The following ARHGAP19 variants were observed in gnomAD, a reference collection of about 807,000 sequenced individuals.
ARHGAP19 encodes rho GTPase-activating protein 19.
A neutral mutation model predicts 60.9 loss-of-function variants in ARHGAP19; 48 were observed. The ratio of observed to expected loss-of-function variants is 0.79; its 90% CI spans 0.62 to 1.00. ARHGAP19 has a LOEUF of 1.00. Ranked by LOEUF, ARHGAP19 falls within the 50% of genes least tolerant of loss-of-function variation. The pLI is 0.00. For missense variants in ARHGAP19, 562 were observed against 597.2 expected, an observed-to-expected ratio of 0.94 and a Z score of 0.61; for synonymous variants, 209 against 215.5, an observed-to-expected ratio of 0.97 and a Z score of 0.27.
At chr10:97,286,747 G>C (rs1843161245) in intron 1 of ARHGAP19, among the ~76,000 whole-genome samples, 1 of 152,104 alleles carries the variant, frequency 6.6e-6, no homozygotes, top group African/African-American at 2.4e-5. Context: ...TCCTAAGCTG[G>C]CTCTTCATGT....
At chr10:97,240,700 A>G (rs1842465864) in intron 8 of ARHGAP19, among the ~76,000 whole-genome samples, 1 of 152,248 alleles carries the variant, frequency 6.6e-6, no homozygotes, top group Admixed American at 6.5e-5. Flanking sequence ...CCTTTTAATA[A>G]CATGAGAAAT....
At chr10:97,280,193 G>C (rs1843065646) in intron 1 of ARHGAP19, among the ~76,000 whole-genome samples, 1 of 152,040 alleles carries the variant, frequency 6.6e-6, no homozygotes. Context: ...GATCATTTGA[G>C]GTCAGGAGTT....
At chr10:97,252,224 TC>T (rs1276847919) in intron 6 of ARHGAP19, among the ~76,000 whole-genome samples, 9 of 151,786 alleles carry the variant, frequency 5.9e-5, no homozygotes, top group Admixed American at 2.0e-4. Context: ...GCGCCTGTGG[TC>T]CCAGCTAACC....
chr10:97,268,515 T>G (rs1842925836), intron 1 of ARHGAP19, among the ~76,000 whole-genome samples: 1 of 152,174 alleles, frequency 6.6e-6, no homozygotes, highest in South Asian at 2.1e-4. Flanking sequence ...GACTCGGTAA[T>G]TTACAAAGGA....
chr10:97,239,648 A>C (rs999491991), intron 8 of ARHGAP19, among the ~76,000 whole-genome samples: 11 of 151,384 alleles, frequency 7.3e-5, no homozygotes, highest in African/African-American at 2.2e-4. Flanking sequence ...GAGCAAAAAA[A>C]AAGATATTAG....
At chr10:97,280,449 C>A (rs944783477) in intron 1 of ARHGAP19, among the ~76,000 whole-genome samples, 2 of 151,960 alleles carry the variant, frequency 1.3e-5, no homozygotes, top group Non-Finnish European at 2.9e-5. Flanking sequence ...AAGGTAACAT[C>A]AAAATTCCCT....
In ARHGAP19 at chr10:97,280,373, C is replaced by T. The variant is rs1440653807; in HGVS notation, c.56+12199G>A. 1.2e-4 allele frequency among the ~76,000 whole-genome samples: 19 copies of T among 152,006 alleles called. 1 individual carries two copies. The highest frequency in any genetic ancestry group is 1.2e-3 in the Admixed American group (19 of 15,242). On this transcript the variant is annotated intron_variant, in intron 1 of 11. Coordinates refer to ENST00000358531, the MANE Select transcript of ARHGAP19 (RefSeq NM_032900.6). ...GCAGTGAGCCGAGATCACACCACTGCACTCCAGCCAAGGTGACAGACCAAG... is the reference window on the plus strand; with the variant it reads ...GCAGTGAGCCGAGATCACACCACTGTACTCCAGCCAAGGTGACAGACCAAG...
At chr10:97,260,200 G>A (rs1842811299) in intron 4 of ARHGAP19, among the ~76,000 whole-genome samples, 1 of 151,650 alleles carries the variant, frequency 6.6e-6, no homozygotes, top group Non-Finnish European at 1.5e-5. Context: ...AAGTGGCCAA[G>A]AAGGCTTTGT....
chr10:97,258,449 G>T (rs1024995535), intron 5 of ARHGAP19, among the ~76,000 whole-genome samples: 2 of 152,104 alleles, frequency 1.3e-5, no homozygotes, highest in African/African-American at 4.8e-5. Context: ...CAGGAGAATT[G>T]CTTGAACCTG....
intron 6 of ARHGAP19, among the ~76,000 whole-genome samples, chr10:97,250,778 A>G (rs963467442): frequency 4.6e-5 from 7 of 152,036 alleles, no homozygotes; most frequent in Non-Finnish European, 7.4e-5. Flanking sequence ...TAAAAAAAAG[A>G]AAGAAGGCCA....
chr10:97,269,423 A>T (rs1387512670), intron 1 of ARHGAP19, among the ~76,000 whole-genome samples: 1 of 152,198 alleles, frequency 6.6e-6, no homozygotes, highest in East Asian at 1.9e-4. Flanking sequence ...AACTAAAAAA[A>T]CTAGAATTTA....
chr10:97,271,695 A>AT (rs1234588823), intron 1 of ARHGAP19, among the ~76,000 whole-genome samples: 1 of 152,098 alleles, frequency 6.6e-6, no homozygotes, highest in Non-Finnish European at 1.5e-5. Context: ...TTATTTATTT[A>AT]TTTTAGACAG....
At chr10:97,280,159 C>T (rs915412210) in intron 1 of ARHGAP19, among the ~76,000 whole-genome samples, 6 of 152,268 alleles carry the variant, frequency 3.9e-5, no homozygotes, top group Admixed American at 1.3e-4. Flanking sequence ...GTAATCCCAG[C>T]ACTTTAGGAG....
chr10:97,234,828 A>G (rs549232102), intron 9 of ARHGAP19, among the ~76,000 whole-genome samples: 1 of 152,350 alleles, frequency 6.6e-6, no homozygotes, highest in South Asian at 2.1e-4. Context: ...CCAGTTTTCT[A>G]ACAGTTTCCC....
At chr10:97,255,090 T>C (rs930138700) in intron 6 of ARHGAP19, among the ~76,000 whole-genome samples, 1 of 152,204 alleles carries the variant, frequency 6.6e-6, no homozygotes, top group Non-Finnish European at 1.5e-5. Flanking sequence ...TACTGTTTAA[T>C]GGGTACAGAG....
chr10:97,230,636 G>C (rs541618150), intron 9 of ARHGAP19, among the ~76,000 whole-genome samples: 5 of 152,198 alleles, frequency 3.3e-5, no homozygotes, highest in African/African-American at 1.2e-4. Flanking sequence ...AATATGAGCA[G>C]CAATATTCAG....
chr10:97,251,284 A>AGGG (rs1564717932), intron 6 of ARHGAP19, among the ~76,000 whole-genome samples: 1 of 23,256 alleles, frequency 4.3e-5, no homozygotes, highest in Non-Finnish European at 9.5e-5. Context: ...AGGGAAGGGA[A>AGGG]AAAGGAAGGG....
chr10:97,223,055 A>C lies in ARHGAP19; in HGVS notation c.*3067T>G, dbSNP rs747002289. On this transcript the variant is annotated 3_prime_UTR_variant, in exon 12 of 12. Coordinates refer to ENST00000358531, the MANE Select transcript of ARHGAP19 (RefSeq NM_032900.6). ...AGGAGGAGAGAATGGCTCTGTTCTG[A>C]CACTCTAGGATCGACTGCTTCCTTA... The C allele has an allele frequency of 2.2e-4, 33 of 152,108 alleles. No individual in the cohort carries two copies. Among genetic ancestry groups the C allele is most frequent in the Non-Finnish European group, 4.0e-4 (27 of 68,036 alleles). The allele number at this position is 152,108 out of a possible 1,614,324, so 9.4% of individuals were successfully genotyped here.
chr10:97,243,771 T>G (rs1842522745), intron 8 of ARHGAP19, among the ~76,000 whole-genome samples, 197 bp downstream of exon 8: 1 of 152,212 alleles, frequency 6.6e-6, no homozygotes, highest in African/African-American at 2.4e-5. Context: ...ATCCTCCTGC[T>G]TAACTAGAAA....
Sources: allele counts gnomAD v4.1 joint callset (sites outside exome capture counted in the v4.1 genomes callset), GRCh38; gene constraint gnomAD v4.1.1; transcripts MANE v1.5; gene names NCBI Gene and HGNC (gene_info 2026-07-23, HGNC 2026-07-21).